ZNF385D: variants seen among roughly 807,000 people sequenced by gnomAD.
ZNF385D encodes zinc finger protein 385D.
Under a neutral mutation model 35.8 loss-of-function variants are expected in ZNF385D, and 15 were observed. The observed-to-expected ratio is 0.42, with a 90% CI of 0.28 to 0.64. The LOEUF (loss-of-function observed/expected upper bound fraction) is 0.64, where lower values mean the gene tolerates loss of function less well. Ranked by LOEUF, ZNF385D falls within the 30% of genes least tolerant of loss-of-function variation. The probability of loss-of-function intolerance (pLI) is 0.23; values close to 1 mark genes in which losing one functional copy is unlikely to be tolerated. For synonymous variants in ZNF385D, 212 were observed against 186.8 expected (o/e 1.13, Z -1.10); for missense variants, 474 against 494.6 (o/e 0.96, Z 0.39).
At chr3:21,848,594 A>T (rs935959715) in intron 3 of ZNF385D, among the ~76,000 whole-genome samples, 1 of 152,046 alleles carries the variant, frequency 6.6e-6, no homozygotes, top group African/African-American at 2.4e-5. Context: ...ATCAAAAGAG[A>T]CTAATGTGAA....
intron 1 of ZNF385D, among the ~76,000 whole-genome samples, chr3:21,693,872 CTTTT>C (rs375360816): frequency 0.13 from 18,119 of 142,382 alleles, 1,235 homozygotes; most frequent in East Asian, 0.22. Context: ...TTTAGAAAAT[CTTTT>C]TTTTTCTTTT....
intron 2 of ZNF385D, among the ~76,000 whole-genome samples, chr3:21,598,591 G>T (rs1446912046): frequency 6.6e-6 from 1 of 152,130 alleles, no homozygotes; most frequent in Non-Finnish European, 1.5e-5. Flanking sequence ...CAAAAGGCTA[G>T]AGTCTCAAAA....
At chr3:22,156,515 A>T (rs1201371168) in intron 3 of ZNF385D, among the ~76,000 whole-genome samples, 1 of 152,070 alleles carries the variant, frequency 6.6e-6, no homozygotes. Flanking sequence ...TGGTAGATCG[A>T]TGACAGTTCC....
chr3:21,972,494 A>G (rs1010637369), intron 3 of ZNF385D, among the ~76,000 whole-genome samples: 7 of 152,006 alleles, frequency 4.6e-5, no homozygotes, highest in Admixed American at 2.0e-4. Flanking sequence ...TTAAAACTTC[A>G]AATAAACAAC....
intron 2 of ZNF385D, among the ~76,000 whole-genome samples, chr3:22,205,867 G>A (rs1697115673): frequency 6.6e-6 from 1 of 151,942 alleles, no homozygotes. Flanking sequence ...AAAGCAACCA[G>A]AAAATAAATA....
At chr3:21,507,525 A>C (rs1706869604) in intron 4 of ZNF385D, among the ~76,000 whole-genome samples, 1 of 152,196 alleles carries the variant, frequency 6.6e-6, no homozygotes, top group East Asian at 1.9e-4. Context: ...TAAAAAATGC[A>C]TGATCTTTGA....
intron 3 of ZNF385D, among the ~76,000 whole-genome samples, chr3:21,533,192 T>A (rs2061963494): frequency 6.6e-6 from 1 of 151,670 alleles, no homozygotes; most frequent in Non-Finnish European, 1.5e-5. Context: ...CTCTAAATCT[T>A]CCCAATGGAC....
At chr3:21,892,267 T>C (rs893429742) in intron 3 of ZNF385D, among the ~76,000 whole-genome samples, 24 of 152,194 alleles carry the variant, frequency 1.6e-4, no homozygotes, top group African/African-American at 5.8e-4. Context: ...GCCTCTATAG[T>C]GCACAGCTTT....
chr3:21,861,350 T>C (rs147643846), intron 3 of ZNF385D, among the ~76,000 whole-genome samples: 62 of 152,300 alleles, frequency 4.1e-4, no homozygotes, highest in Non-Finnish European at 2.9e-5. Flanking sequence ...TTTAGGGGCA[T>C]CCATTGTTGC....
intron 3 of ZNF385D, among the ~76,000 whole-genome samples, chr3:22,138,439 A>T (rs1436706257): frequency 6.6e-6 from 1 of 152,182 alleles, no homozygotes; most frequent in African/African-American, 2.4e-5. Flanking sequence ...ACAGTAACCA[A>T]AACAGCATGG....
intron 3 of ZNF385D, among the ~76,000 whole-genome samples, chr3:21,559,594 T>G (rs2062866445): frequency 6.6e-6 from 1 of 152,176 alleles, no homozygotes; most frequent in African/African-American, 2.4e-5. Flanking sequence ...CCCTTCACAT[T>G]TTTTCCTTCA....
chr3:22,370,024 T>C (rs2125234026), intron 2 of ZNF385D, among the ~76,000 whole-genome samples: 1 of 152,332 alleles, frequency 6.6e-6, no homozygotes, highest in Middle Eastern at 3.4e-3. Flanking sequence ...AACACTGTTT[T>C]CTTGAATTGC....
intron 3 of ZNF385D, among the ~76,000 whole-genome samples, chr3:22,023,997 G>A (rs763852925): frequency 2.6e-5 from 4 of 152,184 alleles, no homozygotes; most frequent in African/African-American, 9.6e-5. Flanking sequence ...GTATGTCTGT[G>A]AGGATGTTGC....
intron 3 of ZNF385D, among the ~76,000 whole-genome samples, chr3:22,104,137 G>T (rs561161424): frequency 9.9e-5 from 15 of 152,070 alleles, no homozygotes; most frequent in Non-Finnish European, 1.9e-4. Context: ...GAGACAAATT[G>T]GTCCAGCTCT....
intron 3 of ZNF385D, among the ~76,000 whole-genome samples, chr3:22,019,259 GA>G (rs1347014827): frequency 3.3e-5 from 5 of 151,460 alleles, no homozygotes; most frequent in African/African-American, 1.2e-4. Context: ...TAGAATGTGA[GA>G]ATTTCTTTAA....
At chr3:22,361,032 G>A (rs771188876) in intron 2 of ZNF385D, among the ~76,000 whole-genome samples, 1 of 151,924 alleles carries the variant, frequency 6.6e-6, no homozygotes, top group Non-Finnish European at 1.5e-5. Flanking sequence ...CATTTATGAG[G>A]AAAAAAAGTC....
At chr3:21,444,338 C>T (rs967454964) in intron 4 of ZNF385D, among the ~76,000 whole-genome samples, 1 of 150,404 alleles carries the variant, frequency 6.6e-6, no homozygotes, top group Non-Finnish European at 1.5e-5. Flanking sequence ...CCTTGGTCTC[C>T]AAAAGTGCTG....
At position 22,188,598 on chromosome 3, in the gene ZNF385D, T is replaced by C. The variant is rs1437277331; in HGVS notation, c.107-19563A>G. On this transcript the variant is annotated intron_variant, in intron 2 of 5. Coordinates refer to the ZNF385D transcript ENST00000494108. Reference sequence around the variant, plus strand: ...CCGAGTAGCTGGGACTACAGGTGCCTGCCACCACACCCTGCTAATTTTTTG... The same window carrying C: ...CCGAGTAGCTGGGACTACAGGTGCCCGCCACCACACCCTGCTAATTTTTTG... Among the ~76,000 whole-genome samples the C allele has an allele frequency of 2.0e-5, 3 of 151,904 alleles. No individual in the cohort carries two copies. In the East Asian group the frequency reaches 5.8e-4, roughly 29 times the overall value.
intron 3 of ZNF385D, among the ~76,000 whole-genome samples, chr3:21,918,759 T>C (rs1700315079): frequency 6.6e-6 from 1 of 152,202 alleles, no homozygotes; most frequent in Admixed American, 6.5e-5. Context: ...TTGGCAGAAG[T>C]GTGCAGTGTT....
Sources: allele counts gnomAD v4.1 joint callset (sites outside exome capture counted in the v4.1 genomes callset), GRCh38; gene constraint gnomAD v4.1.1; transcripts MANE v1.5; gene names NCBI Gene and HGNC (gene_info 2026-07-23, HGNC 2026-07-21).